The following FMNL2 variants were observed in gnomAD, a reference collection of about 807,000 sequenced individuals.
FMNL2 encodes the protein formin-like protein 2.
Under a neutral mutation model 130.2 loss-of-function variants are expected in FMNL2, and 51 were observed. The ratio of observed to expected loss-of-function variants is 0.39; its 90% CI spans 0.31 to 0.49. FMNL2 has a LOEUF of 0.49. Ranked by LOEUF, FMNL2 falls within the 20% of genes least tolerant of loss-of-function variation. The probability of loss-of-function intolerance (pLI) is 0.85; values close to 1 mark genes in which losing one functional copy is unlikely to be tolerated. For synonymous variants in FMNL2, 465 were observed against 467.1 expected, an observed-to-expected ratio of 1.00 and a Z score of 0.06; for missense variants, 977 against 1,316.2, an observed-to-expected ratio of 0.74 and a Z score of 3.99.
At chr2:152,608,066 T>C (rs727326) in intron 10 of FMNL2, among the ~76,000 whole-genome samples, 74,427 of 151,894 alleles carry the variant, frequency 0.49, 18,536 homozygotes, top group East Asian at 0.63. Flanking sequence ...ACGTAAATCT[T>C]AATCTGGAAG....
At chr2:152,489,984 A>G (rs1212882749) in intron 1 of FMNL2, among the ~76,000 whole-genome samples, 2 of 152,238 alleles carry the variant, frequency 1.3e-5, no homozygotes, top group African/African-American at 4.8e-5. Flanking sequence ...TAAACCACAA[A>G]GAATAAAATG....
intron 1 of FMNL2, among the ~76,000 whole-genome samples, chr2:152,499,933 C>A (rs1294169895): frequency 6.6e-6 from 1 of 152,136 alleles, no homozygotes; most frequent in African/African-American, 2.4e-5. Context: ...ACTCTGGATG[C>A]ACTAAATAAT....
At chr2:152,361,568 A>G (rs941002821) in intron 1 of FMNL2, among the ~76,000 whole-genome samples, 1 of 152,190 alleles carries the variant, frequency 6.6e-6, no homozygotes, top group Non-Finnish European at 1.5e-5. Flanking sequence ...TCTACATTTT[A>G]CATGGTAGGC....
chr2:152,476,340 A>G (rs1690151700), intron 1 of FMNL2, among the ~76,000 whole-genome samples: 1 of 152,140 alleles, frequency 6.6e-6, no homozygotes, highest in Non-Finnish European at 1.5e-5. Context: ...TTTGGTTTCT[A>G]TTTATTGTTC....
At chr2:152,501,815 G>A (rs11892232) in intron 1 of FMNL2, among the ~76,000 whole-genome samples, 46,363 of 151,938 alleles carry the variant, frequency 0.31, 7,425 homozygotes, top group East Asian at 0.57. Context: ...CTCTAATGGG[G>A]TCCTGTGAAC....
chr2:152,591,582 G>C (rs1697442096), intron 9 of FMNL2, among the ~76,000 whole-genome samples: 1 of 152,234 alleles, frequency 6.6e-6, no homozygotes, highest in African/African-American at 2.4e-5. Flanking sequence ...AAGGTGGAAG[G>C]ACTGCTATAG....
At chr2:152,404,959 C>T (rs1345377797) in intron 1 of FMNL2, among the ~76,000 whole-genome samples, 2 of 152,126 alleles carry the variant, frequency 1.3e-5, no homozygotes, top group Admixed American at 1.3e-4. Context: ...TCACCTTCCT[C>T]CAGTTTGAAA....
chr2:152,504,986 C>T (rs1692076319), intron 1 of FMNL2, among the ~76,000 whole-genome samples: 1 of 152,162 alleles, frequency 6.6e-6, no homozygotes, highest in Non-Finnish European at 1.5e-5. Flanking sequence ...AATGCCATCA[C>T]ATTTAAAGCA....
At chr2:152,643,504 T>A in intron 25 of FMNL2, 1 of 1,536,126 alleles carries the variant, frequency 6.5e-7, no homozygotes, top group Non-Finnish European at 8.7e-7. Flanking sequence ...AGGAATACCA[T>A]TACTAAACTA....
intron 13 of FMNL2, 98 bp downstream of exon 13, chr2:152,617,290 G>C: frequency 5.9e-6 from 6 of 1,020,464 alleles, no homozygotes; most frequent in Non-Finnish European, 8.9e-6. Context: ...TCAGAGGAAT[G>C]CATTGATGCA....
In FMNL2 at chr2:152,397,093, A is replaced by G. The variant is rs142507545; in HGVS notation, c.117+61373A>G. On this transcript the variant is annotated intron_variant, in intron 1 of 25. Transcript: ENST00000288670. ...AAAATTCGTTGATGGAAAAAGATCTATTAAGGTTACGTGTATTTTGGATTT... is the reference window on the plus strand; with the variant it reads ...AAAATTCGTTGATGGAAAAAGATCTGTTAAGGTTACGTGTATTTTGGATTT... Among the ~76,000 whole-genome samples the G allele has an allele frequency of 2.2e-3, 339 of 152,376 alleles. 3 individuals carry two copies. The highest frequency in any genetic ancestry group is 2.5e-3 in the Non-Finnish European group (172 of 68,042).
At chr2:152,372,340 T>C (rs984596038) in intron 1 of FMNL2, among the ~76,000 whole-genome samples, 4 of 152,340 alleles carry the variant, frequency 2.6e-5, no homozygotes, top group African/African-American at 9.6e-5. Context: ...GTTGATTATA[T>C]GGAAGGTTCT....
At chr2:152,633,062 T>A (rs942201864) in intron 21 of FMNL2, among the ~76,000 whole-genome samples, 2 of 152,034 alleles carry the variant, frequency 1.3e-5, no homozygotes, top group African/African-American at 4.8e-5. Context: ...CATACTGTAT[T>A]ACAACAATTT....
intron 1 of FMNL2, among the ~76,000 whole-genome samples, chr2:152,366,172 C>A (rs1683522696): frequency 6.6e-6 from 1 of 150,798 alleles, no homozygotes; most frequent in African/African-American, 2.4e-5. Flanking sequence ...TCATAGCAGG[C>A]AAGATGAATA....
At chr2:152,372,865 G>A (rs1441198091) in intron 1 of FMNL2, among the ~76,000 whole-genome samples, 2 of 152,198 alleles carry the variant, frequency 1.3e-5, no homozygotes, top group Non-Finnish European at 2.9e-5. Context: ...AAAAATCTGA[G>A]AGGCACATAC....
chr2:152,481,560 G>A (rs938258601), intron 1 of FMNL2, among the ~76,000 whole-genome samples: 1 of 152,154 alleles, frequency 6.6e-6, no homozygotes, highest in Non-Finnish European at 1.5e-5. Context: ...TGGAGCCCAG[G>A]CACTGGTAGT....
At chr2:152,564,168 T>A (rs1482190293) in intron 6 of FMNL2, among the ~76,000 whole-genome samples, 1 of 152,114 alleles carries the variant, frequency 6.6e-6, no homozygotes, top group Non-Finnish European at 1.5e-5. Context: ...TTGTTTTTTT[T>A]TTTGAAAAAG....
intron 1 of FMNL2, among the ~76,000 whole-genome samples, chr2:152,509,720 A>G (rs1315014711): frequency 8.6e-6 from 1 of 116,948 alleles, no homozygotes. Flanking sequence ...AAGAGAAGGT[A>G]TATCTGTACT....
intron 4 of FMNL2, among the ~76,000 whole-genome samples, chr2:152,558,437 G>A (rs908513164): frequency 3.3e-5 from 5 of 152,166 alleles, no homozygotes. Flanking sequence ...AGTACATTAA[G>A]CAAGTGCCTT....
Sources: allele counts gnomAD v4.1 joint callset (sites outside exome capture counted in the v4.1 genomes callset), GRCh38; gene constraint gnomAD v4.1.1; transcripts MANE v1.5; gene names NCBI Gene and HGNC (gene_info 2026-07-23, HGNC 2026-07-21).